The following ATP9A variants were observed in gnomAD, a reference collection of about 807,000 sequenced individuals.
ATP9A encodes the protein probable phospholipid-transporting ATPase IIA.
ATP9A carries 52 observed loss-of-function variants against 144.1 expected under a neutral mutation model. The ratio of observed to expected loss-of-function variants is 0.36; its 90% CI spans 0.29 to 0.45. ATP9A has a LOEUF of 0.45. Among genes scored for constraint, ATP9A ranks in the 20% least tolerant of loss-of-function variants. The pLI is 1.00. For synonymous variants in ATP9A, 582 were observed against 557.4 expected, an observed-to-expected ratio of 1.04 and a Z score of -0.62; for missense variants, 947 against 1,392.7, an observed-to-expected ratio of 0.68 and a Z score of 5.09.
chr20:51,634,756 G>A (rs1439197211), intron 15 of ATP9A, among the ~76,000 whole-genome samples: 2 of 150,094 alleles, frequency 1.3e-5, no homozygotes, highest in Admixed American at 1.4e-4. Context: ...TCGGGAGGCT[G>A]GGGTAGGAGA....
At chr20:51,603,912 C>T (rs748126115) in intron 27 of ATP9A, among the ~76,000 whole-genome samples, 2 of 152,164 alleles carry the variant, frequency 1.3e-5, no homozygotes, top group Non-Finnish European at 2.9e-5. Context: ...ACCCAAGTAG[C>T]TGGGACTACA....
chr20:51,642,185 C>T (rs115212167), intron 14 of ATP9A, among the ~76,000 whole-genome samples: 169 of 151,988 alleles, frequency 1.1e-3, no homozygotes, highest in African/African-American at 4.0e-3. Flanking sequence ...GATGGAGTCT[C>T]ACTCTGTCAC....
intron 9 of ATP9A, among the ~76,000 whole-genome samples, chr20:51,678,134 CG>C (rs1173912260): frequency 2.6e-4 from 8 of 31,234 alleles, no homozygotes; most frequent in African/African-American, 1.4e-3. Flanking sequence ...GGTGGCAGGG[CG>C]GGGGGAAGGG....
At chr20:51,700,242 C>A (rs542483388) in intron 4 of ATP9A, among the ~76,000 whole-genome samples, 1 of 151,976 alleles carries the variant, frequency 6.6e-6, no homozygotes, top group Admixed American at 6.6e-5. Context: ...GTAAAGAGGC[C>A]GGACACAGTG....
intron 4 of ATP9A, among the ~76,000 whole-genome samples, chr20:51,699,333 C>CAAAAAAAAAAAAAAAAAAA (rs74175569): frequency 5.7e-5 from 4 of 70,460 alleles, no homozygotes; most frequent in Admixed American, 1.8e-4. Context: ...AACTCAATCT[C>CAAAAAAAAAAAAAAAAAAA]AAAAAAAAAA....
At chr20:51,737,275 G>A (rs1358064385) in intron 1 of ATP9A, among the ~76,000 whole-genome samples, 1 of 152,182 alleles carries the variant, frequency 6.6e-6, no homozygotes, top group African/African-American at 2.4e-5. Flanking sequence ...GGACCATCAA[G>A]AGTGACTGTT....
chr20:51,622,220 G>C, intron 18 of ATP9A, 48 bp from the exon 19 acceptor site: 1 of 1,513,970 alleles, frequency 6.6e-7, no homozygotes, highest in East Asian at 2.3e-5. Flanking sequence ...TTTTGAGGCC[G>C]GCCTGTCATC....
At chr20:51,639,278 A>G in intron 15 of ATP9A, 65 bp downstream of exon 15, 1 of 1,492,680 alleles carries the variant, frequency 6.7e-7, no homozygotes, top group Non-Finnish European at 9.1e-7. Context: ...ATGTCAACCC[A>G]CAGGGACACA....
chr20:51,710,534 C>T (rs1423364313), intron 4 of ATP9A, among the ~76,000 whole-genome samples: 5 of 152,162 alleles, frequency 3.3e-5, no homozygotes, highest in African/African-American at 1.2e-4. Flanking sequence ...CCCCCAAAAG[C>T]GTATCAAATA....
intron 6 of ATP9A, among the ~76,000 whole-genome samples, 179 bp downstream of exon 6, chr20:51,695,914 T>C (rs1372885952): frequency 6.6e-6 from 1 of 150,800 alleles, no homozygotes; most frequent in African/African-American, 2.5e-5. Context: ...CACAATCTAT[T>C]GACTTTTAAA....
chr20:51,648,101 T>C (rs2077348995), intron 14 of ATP9A, among the ~76,000 whole-genome samples: 1 of 152,150 alleles, frequency 6.6e-6, no homozygotes, highest in South Asian at 2.1e-4. Context: ...TGCTTCACAC[T>C]CCGAGCTCAT....
At chr20:51,757,033 C>T (rs974830181) in intron 1 of ATP9A, among the ~76,000 whole-genome samples, 1 of 152,106 alleles carries the variant, frequency 6.6e-6, no homozygotes, top group Admixed American at 6.6e-5. Flanking sequence ...GGACACTTGG[C>T]AATGTCTGGA....
intron 15 of ATP9A, 32 bp downstream of exon 15, chr20:51,639,311 A>G (rs2077308472): frequency 6.3e-7 from 1 of 1,592,148 alleles, no homozygotes; most frequent in Non-Finnish European, 8.6e-7. Flanking sequence ...GGGGTACTTA[A>G]GCACTTTAAG....
Position 51,676,797 on chromosome 20 carries a change from G to A in ATP9A, c.800-589C>T, listed in dbSNP as rs536924385. 1.6e-4 allele frequency among the ~76,000 whole-genome samples: 23 copies of A among 147,440 alleles called. 1 individual carries two copies. Among genetic ancestry groups the A allele is most frequent in the African/African-American group, 5.5e-4 (22 of 39,888 alleles). On this transcript the variant is annotated intron_variant, in intron 9 of 27. Transcript: ENST00000338821. ...CCCAACCTCAATTTTTGTATTTTTAGTTGAGATGGGGTTTCACCACGTTGG... is the reference window on the plus strand; with the variant it reads ...CCCAACCTCAATTTTTGTATTTTTAATTGAGATGGGGTTTCACCACGTTGG...
Position 51,689,122 on chromosome 20 carries a change from C to CG in ATP9A, c.740dup (p.Ile248AspfsTer45). 6.2e-7 allele frequency: 1 copy of CG among 1,614,046 alleles called. No homozygotes were observed. Among genetic ancestry groups the CG allele is most frequent in the Middle Eastern group, 1.6e-4 (1 of 6,062 alleles). ...TCTCTATGCTCAGGCTCTCGCTGAT[C>CG]GGGGGGTCGCTGTCTTCCTGGAAAA... On this transcript the variant is annotated frameshift_variant, in exon 9 of 28. Coordinates refer to ENST00000338821, the MANE Select transcript of ATP9A (RefSeq NM_006045.3). LOFTEE classifies it high-confidence loss of function.
intron 1 of ATP9A, among the ~76,000 whole-genome samples, chr20:51,767,999 G>A (rs2077912893): frequency 6.6e-6 from 1 of 152,172 alleles, no homozygotes; most frequent in South Asian, 2.1e-4. Context: ...CGGCTGATCC[G>A]AATTCCGCGA....
chr20:51,716,813 G>A (rs190565440), intron 3 of ATP9A, among the ~76,000 whole-genome samples: 28 of 152,300 alleles, frequency 1.8e-4, no homozygotes, highest in Admixed American at 9.2e-4. Flanking sequence ...CAAGGCAGTA[G>A]AAAGGATCAT....
At chr20:51,731,243 G>A (rs1264229773) in intron 1 of ATP9A, among the ~76,000 whole-genome samples, 4 of 151,794 alleles carry the variant, frequency 2.6e-5, no homozygotes, top group Non-Finnish European at 4.4e-5. Flanking sequence ...GGCGGAGGTT[G>A]CAGTGAGCTA....
At chr20:51,674,008 C>G (rs1294867220) in intron 11 of ATP9A, 145 bp downstream of exon 11, 1 of 989,676 alleles carries the variant, frequency 1.0e-6, no homozygotes, top group Non-Finnish European at 1.4e-6. Context: ...CAAGATCGCG[C>G]CACTGCCCTC....
Sources: gnomAD v4.1 joint callset for allele counts (sites outside exome capture counted in the v4.1 genomes callset) on GRCh38, gnomAD v4.1.1 for gene constraint, MANE v1.5 for transcripts, NCBI Gene and HGNC (gene_info 2026-07-23, HGNC 2026-07-21) for gene names.